DRC11: variants seen among roughly 807,000 people sequenced by gnomAD.
The protein encoded by DRC11 is dynein regulatory complex subunit 11, also known as IQ and AAA domain-containing protein 1.
the DRC11 span, chr2:236,408,504 C>G: frequency 1.4e-6 from 1 of 734,856 alleles, no homozygotes; most frequent in Non-Finnish European, 2.5e-6. This position sits in a 1 kb window ranked among gnomAD's most constrained non-coding sequence, Gnocchi z 5.5. Flanking sequence ...GCTTCTTGGC[C>G]ACGGTGCCTC....
At chr2:236,325,133 C>T in the DRC11 span, among the ~76,000 whole-genome samples, 1 of 152,114 alleles carries the variant, frequency 6.6e-6, no homozygotes, top group Admixed American at 6.5e-5. The surrounding 1 kb of genome is among the most constrained non-coding windows in gnomAD (Gnocchi z 4.4). Flanking sequence ...CATATGTGGC[C>T]ATGTTCAGTA....
chr2:236,409,903 G>A, the DRC11 span, among the ~76,000 whole-genome samples: 16 of 152,150 alleles, frequency 1.1e-4, no homozygotes, highest in Admixed American at 1.0e-3. Flanking sequence ...TTATATGATG[G>A]ATTACATTTA....
the DRC11 span, among the ~76,000 whole-genome samples, chr2:236,467,630 G>A: frequency 6.6e-6 from 1 of 152,140 alleles, no homozygotes; most frequent in Non-Finnish European, 1.5e-5. Flanking sequence ...TAGCTAAGTG[G>A]GTGAAATCCA....
chr2:236,483,414 C>A, the DRC11 span, among the ~76,000 whole-genome samples: 1 of 152,120 alleles, frequency 6.6e-6, no homozygotes, highest in African/African-American at 2.4e-5. This position sits in a 1 kb window ranked among gnomAD's most constrained non-coding sequence, Gnocchi z 4.8. Flanking sequence ...ACACAAAGAT[C>A]AAACAGAAAT....
chr2:236,376,584 G>A, the DRC11 span, among the ~76,000 whole-genome samples: 3 of 152,170 alleles, frequency 2.0e-5, no homozygotes, highest in African/African-American at 4.8e-5. The surrounding 1 kb of genome is among the most constrained non-coding windows in gnomAD (Gnocchi z 5.7). Flanking sequence ...AGCTTTAAGT[G>A]TGTTTTCAGG....
chr2:236,359,660 C>T, the DRC11 span, among the ~76,000 whole-genome samples: 11 of 152,198 alleles, frequency 7.2e-5, no homozygotes, highest in Non-Finnish European at 1.5e-5. The surrounding 1 kb of genome is among the most constrained non-coding windows in gnomAD (Gnocchi z 4.3). Flanking sequence ...CACAGTCAGG[C>T]CCTCCAGCTT....
chr2:236,336,851 C>G, the DRC11 span, among the ~76,000 whole-genome samples: 856 of 152,354 alleles, frequency 5.6e-3, 10 homozygotes, highest in African/African-American at 0.019. This position sits in a 1 kb window ranked among gnomAD's most constrained non-coding sequence, Gnocchi z 7.3. Context: ...CTCGGCCTCC[C>G]TCGAATCTGG....
chr2:236,365,911 T>C, the DRC11 span, among the ~76,000 whole-genome samples: 1 of 152,154 alleles, frequency 6.6e-6, no homozygotes, highest in Non-Finnish European at 1.5e-5. The surrounding 1 kb of genome is among the most constrained non-coding windows in gnomAD (Gnocchi z 7.4). Flanking sequence ...CTGAGCCCTG[T>C]TCAACTTTCC....
chr2:236,327,010 A>T, the DRC11 span, among the ~76,000 whole-genome samples: 1 of 151,924 alleles, frequency 6.6e-6, no homozygotes, highest in Admixed American at 6.5e-5. Flanking sequence ...GTGAGCCACC[A>T]TGCCTGGCCA....
chr2:236,323,200 C>T, the DRC11 span, among the ~76,000 whole-genome samples: 1 of 152,280 alleles, frequency 6.6e-6, no homozygotes, highest in South Asian at 2.1e-4. This position sits in a 1 kb window ranked among gnomAD's most constrained non-coding sequence, Gnocchi z 6.4. Flanking sequence ...CTTCTTGGGC[C>T]ATAAGTGGGG....
chr2:236,459,518 CAT>C, the DRC11 span, among the ~76,000 whole-genome samples: 1,700 of 91,992 alleles, frequency 0.018, 20 homozygotes, highest in Admixed American at 0.032. Context: ...TATACGTATA[CAT>C]GTATACATGT....
chr2:236,417,205 G>A, the DRC11 span, among the ~76,000 whole-genome samples: 1 of 152,148 alleles, frequency 6.6e-6, no homozygotes, highest in African/African-American at 2.4e-5. Flanking sequence ...CCTACATCGT[G>A]CCAGATTTGG....
chr2:236,427,212 T>G, the DRC11 span, among the ~76,000 whole-genome samples: 1 of 152,232 alleles, frequency 6.6e-6, no homozygotes, highest in African/African-American at 2.4e-5. The surrounding 1 kb of genome is among the most constrained non-coding windows in gnomAD (Gnocchi z 5.9). Context: ...GCATCTATGT[T>G]CATCATGAAC....
At chr2:236,342,611 C>T in the DRC11 span, among the ~76,000 whole-genome samples, 1 of 152,172 alleles carries the variant, frequency 6.6e-6, no homozygotes, top group African/African-American at 2.4e-5. This position sits in a 1 kb window ranked among gnomAD's most constrained non-coding sequence, Gnocchi z 5.8. Flanking sequence ...CATCACTGCA[C>T]GGTGCAGGCC....
At chr2:236,449,103 G>A in the DRC11 span, among the ~76,000 whole-genome samples, 5 of 151,998 alleles carry the variant, frequency 3.3e-5, no homozygotes, top group Non-Finnish European at 7.4e-5. This position sits in a 1 kb window ranked among gnomAD's most constrained non-coding sequence, Gnocchi z 5.1. Flanking sequence ...CAGATGATCC[G>A]CCTGCCTCGG....
the DRC11 span, among the ~76,000 whole-genome samples, chr2:236,489,474 A>C: frequency 6.6e-6 from 1 of 151,722 alleles, no homozygotes; most frequent in African/African-American, 2.4e-5. Flanking sequence ...CTCCGGGTGC[A>C]GCTGAGGCCT....
chr2:236,336,083 C>T, the DRC11 span, among the ~76,000 whole-genome samples: 2 of 152,046 alleles, frequency 1.3e-5, no homozygotes, highest in African/African-American at 4.8e-5. The surrounding 1 kb of genome is among the most constrained non-coding windows in gnomAD (Gnocchi z 7.3). Flanking sequence ...TTTTGAGGCC[C>T]TAAAAGATGA....
At chr2:236,400,200 C>T in the DRC11 span, among the ~76,000 whole-genome samples, 2 of 152,310 alleles carry the variant, frequency 1.3e-5, no homozygotes, top group East Asian at 3.9e-4. The surrounding 1 kb of genome is among the most constrained non-coding windows in gnomAD (Gnocchi z 7.9). Flanking sequence ...CGCTACCTGC[C>T]CCATCCTTGA....
chr2:236,445,297 T>C, the DRC11 span, among the ~76,000 whole-genome samples: 1 of 152,148 alleles, frequency 6.6e-6, no homozygotes, highest in Admixed American at 6.5e-5. This position sits in a 1 kb window ranked among gnomAD's most constrained non-coding sequence, Gnocchi z 4.8. Flanking sequence ...TATTACATTA[T>C]CATGGTGCTT....
Sources: gnomAD v4.1 joint callset for allele counts (sites outside exome capture counted in the v4.1 genomes callset) on GRCh38, gnomAD v4.1.1 for gene constraint, Gnocchi (gnomAD v3.1) non-coding constraint, MANE v1.5 for transcripts, NCBI Gene and HGNC (gene_info 2026-07-23, HGNC 2026-07-21) for gene names.